The following SEC14L5 variants were observed in gnomAD, a reference collection of about 807,000 sequenced individuals.
SEC14L5 encodes SEC14-like protein 5.
In SEC14L5, 96 loss-of-function variants were observed where a neutral mutation model predicts 84.6. That is an observed-to-expected ratio of 1.13 (90% CI 0.96 to 1.34). The LOEUF (loss-of-function observed/expected upper bound fraction) is 1.34, where lower values mean the gene tolerates loss of function less well. SEC14L5 is among the 40% of genes most tolerant of loss of function. The probability of loss-of-function intolerance (pLI) is 0.00; values close to 1 mark genes in which losing one functional copy is unlikely to be tolerated. For missense variants in SEC14L5, 1,224 were observed against 942.5 expected (o/e 1.30, Z -3.91); for synonymous variants, 546 against 383.4 (o/e 1.42, Z -4.95).
chr16:5,005,896 C>T lies in SEC14L5; in HGVS notation c.1303-18C>T, dbSNP rs562904805. On this transcript the variant is annotated intron_variant, in intron 11 of 15. Coordinates refer to ENST00000251170, the MANE Select transcript of SEC14L5 (RefSeq NM_014692.2). ...AAAAAAAAAAAACCATCCATCTTGC[C>T]TTATGTCCTGGTTTCAGATCAGCCC... 6 of 1,477,112 alleles carry T rather than the reference C, an allele frequency of 4.1e-6. No individual in the cohort carries two copies. The Admixed American group carries it at 1.0e-4, about 26-fold the overall frequency. The allele number at this position is 1,477,112 out of a possible 1,614,324, so 91.5% of individuals were successfully genotyped here.
chr16:5,005,558 C>T, intron 11 of SEC14L5, among the ~76,000 whole-genome samples: 1 of 148,222 alleles, frequency 6.7e-6, no homozygotes, highest in African/African-American at 2.4e-5. Flanking sequence ...TAAATTATAT[C>T]TCAATAAAAA....
chr16:5,011,709 C>T (rs1392403276), intron 15 of SEC14L5, among the ~76,000 whole-genome samples: 2 of 152,164 alleles, frequency 1.3e-5, no homozygotes, highest in East Asian at 1.9e-4. Context: ...CCAGCACTTC[C>T]TGGTTGCTGT....
intron 2 of SEC14L5, among the ~76,000 whole-genome samples, chr16:4,978,057 C>T (rs935425254): frequency 8.1e-5 from 12 of 148,168 alleles, no homozygotes; most frequent in Non-Finnish European, 1.8e-4. Flanking sequence ...CTGCCTCGGC[C>T]TCCCAAAGTG....
intron 8 of SEC14L5, among the ~76,000 whole-genome samples, chr16:4,997,282 T>C (rs1427109597): frequency 2.0e-5 from 3 of 152,192 alleles, no homozygotes; most frequent in Non-Finnish European, 1.5e-5. Flanking sequence ...GTATTTTTAG[T>C]AGAGATGAGG....
intron 2 of SEC14L5, among the ~76,000 whole-genome samples, chr16:4,979,088 C>A (rs1008964662): frequency 1.3e-5 from 2 of 152,120 alleles, no homozygotes; most frequent in African/African-American, 4.8e-5. Flanking sequence ...GAGGCTGGAC[C>A]CTCAGAGGTG....
chr16:5,001,289 C>T (rs567123318), intron 10 of SEC14L5, among the ~76,000 whole-genome samples: 6 of 146,054 alleles, frequency 4.1e-5, no homozygotes, highest in Admixed American at 2.8e-4. Flanking sequence ...AACGGAGTCT[C>T]GCTCTGTCGC....
intron 5 of SEC14L5, 94 bp from the exon 6 acceptor site, chr16:4,991,744 C>A: frequency 2.6e-6 from 2 of 779,168 alleles, no homozygotes; most frequent in East Asian, 2.9e-5. Context: ...GGGGCTGGGA[C>A]CTGAGCCGGC....
Position 5,008,556 on chromosome 16 carries a change from A to G in SEC14L5, c.1708A>G (p.Ser570Gly). 6.2e-7 allele frequency: 1 copy of G among 1,608,892 alleles called. No homozygotes were observed. Among genetic ancestry groups the G allele is most frequent in the Non-Finnish European group, 8.5e-7 (1 of 1,178,142 alleles). ...CGCCCGGGAACCGGGGACCAGGGCC[A>G]GCGGGCAGCTGATCGACAAAGGCTG... is the stretch of plus-strand genomic sequence containing the variant. ...LGAREPGTRA[S>G]GQLIDKGWVL... Residue 570 changes from serine to glycine, a missense_variant, in exon 14 of 16, where the codon AGC becomes GGC. Transcript: ENST00000251170.
intron 8 of SEC14L5, among the ~76,000 whole-genome samples, chr16:4,998,716 C>T (rs532953284): frequency 4.4e-5 from 5 of 114,230 alleles, no homozygotes; most frequent in South Asian, 6.7e-4. Context: ...CCAGCCTGGG[C>T]GACAGAGCGA....
chr16:4,970,186 C>G (rs895459495), intron 2 of SEC14L5, among the ~76,000 whole-genome samples: 11 of 152,062 alleles, frequency 7.2e-5, no homozygotes, highest in African/African-American at 2.7e-4. Context: ...GGGTGACAGA[C>G]AAATGCCATG....
chr16:5,002,469 G>A (rs1425572532), intron 10 of SEC14L5, among the ~76,000 whole-genome samples: 1 of 151,958 alleles, frequency 6.6e-6, no homozygotes, highest in African/African-American at 2.4e-5. Flanking sequence ...GCTAATTTTT[G>A]TATTTTTAGT....
At chr16:4,966,461 G>C (rs1342239119) in intron 2 of SEC14L5, among the ~76,000 whole-genome samples, 1 of 151,112 alleles carries the variant, frequency 6.6e-6, no homozygotes, top group African/African-American at 2.4e-5. Context: ...TTTTAGTAGA[G>C]ACAGGGTTTC....
rs763262413 is a variant in SEC14L5 at position 5,003,538 on chromosome 16, C to T, written c.1267C>T (p.Arg423Ter). ...PETLGRLLIV[R>*]APRVFPVLWT... ...GACCCTGGGTCGGCTGCTCATCGTG[C>T]GAGCCCCCCGAGTCTTCCCCGTGCT... is the stretch of plus-strand genomic sequence containing the variant. The change falls in exon 11 of 16, where the codon CGA becomes TGA. Residue 423 changes from arginine to a stop codon, truncating the protein, a stop_gained. Coordinates refer to ENST00000251170, the MANE Select transcript of SEC14L5 (RefSeq NM_014692.2). LOFTEE classifies it high-confidence loss of function. 3.2e-5 allele frequency: 52 copies of T among 1,606,178 alleles called. No homozygotes were observed. Among genetic ancestry groups the T allele is most frequent in the Non-Finnish European group, 4.2e-5 (49 of 1,178,590 alleles).
At chr16:5,003,192 A>AG (rs1955695094) in intron 10 of SEC14L5, among the ~76,000 whole-genome samples, 1 of 152,228 alleles carries the variant, frequency 6.6e-6, no homozygotes, top group Admixed American at 6.5e-5. Flanking sequence ...TAAGGCTCTC[A>AG]GGGGTGCAGG....
rs964567018 is a variant in SEC14L5, at chr16:5,016,631, G to C, written c.*1661G>C. The C allele has an allele frequency of 7.2e-5, 11 of 152,196 alleles. No individual in the cohort carries two copies. Among genetic ancestry groups the C allele is most frequent in the African/African-American group, 2.7e-4 (11 of 41,444 alleles). 9.4% of individuals were successfully genotyped at this position (152,196 alleles called of 1,614,324 possible). A position where few individuals can be genotyped will look rare whatever the true frequency, so the allele number is the denominator to read the frequency against. ...TACCCTTGTCTCCTGGCCTTGCTTA[G>C]AGTTGGGGCTCATCTCTGCTGCAGT... On this transcript the variant is annotated 3_prime_UTR_variant, in exon 16 of 16. Transcript: ENST00000251170.
Position 5,008,436 on chromosome 16 carries a change from C to A in SEC14L5, c.1588C>A (p.Leu530Met), listed in dbSNP as rs754833861. 2 of 1,612,912 alleles carry A rather than the reference C, an allele frequency of 1.2e-6. No individual in the cohort carries two copies. Among genetic ancestry groups the A allele is most frequent in the Non-Finnish European group, 1.7e-6 (2 of 1,179,484 alleles). Residue 530 changes from leucine to methionine, a missense_variant, in exon 14 of 16, where the codon CTG becomes ATG. Leu to Met is a conservative substitution (Grantham distance 15, BLOSUM62 2). Transcript: ENST00000251170. ...CTCCACACAGGTGGCCGTGGAGATC[C>A]TGGAAGGAGAGTCGGTCATCACCTG... The part of the protein sequence containing the change: ...GAPHEVAVEI[L>M]EGESVITWDF...
In SEC14L5 at chr16:4,959,475, C is replaced by T. The variant is rs567437533; in HGVS notation, c.63+89C>T. 1.7e-4 allele frequency: 194 copies of T among 1,110,142 alleles called. No individual in the cohort carries two copies. The African/African-American group carries it at 2.5e-3, about 14-fold the overall frequency. The allele number at this position is 1,110,142 out of a possible 1,614,324, so 68.8% of individuals were successfully genotyped here. A position where few individuals can be genotyped will look rare whatever the true frequency, so the allele number is the denominator to read the frequency against. The stretch of plus-strand genomic sequence containing the variant: ...CGGTAGGAAGACGGAGCTCCTTAGA[C>T]TCCCAGATCAGAAGGAATTAGTGAG... On this transcript the variant is annotated intron_variant, in intron 2 of 15. Coordinates refer to ENST00000251170, the MANE Select transcript of SEC14L5 (RefSeq NM_014692.2).
intron 2 of SEC14L5, among the ~76,000 whole-genome samples, chr16:4,967,562 GTTTTTTTTTTTT>G (rs869061549): frequency 1.9e-4 from 7 of 37,064 alleles, no homozygotes; most frequent in South Asian, 1.3e-3. Flanking sequence ...TCTTTCTTTC[GTTTTTTTTTTTT>G]TTTTTTTTTT....
chr16:5,014,996 C>A lies in SEC14L5; in HGVS notation c.*26C>A, dbSNP rs368636221. On this transcript the variant is annotated 3_prime_UTR_variant, in exon 16 of 16. Coordinates refer to ENST00000251170, the MANE Select transcript of SEC14L5 (RefSeq NM_014692.2). ...CCGGGCCCAGTGTTTCAGGGCCGCC[C>A]GCTCGCCTCCAGTGTCCAGAAATGT... 3.9e-6 allele frequency: 6 copies of A among 1,541,062 alleles called. No individual in the cohort carries two copies. The highest frequency in any genetic ancestry group is 3.3e-5 in the South Asian group (3 of 89,728).
Sources: gnomAD v4.1 joint callset for allele counts (sites outside exome capture counted in the v4.1 genomes callset) on GRCh38, gnomAD v4.1.1 for gene constraint, MANE v1.5 for transcripts, NCBI Gene and HGNC (gene_info 2026-07-23, HGNC 2026-07-21) for gene names.